Variants in SLC7A8 observed in about 807,000 individuals in gnomAD.
SLC7A8 encodes the protein solute carrier family 7 member 8, also known as large neutral amino acids transporter small subunit 2.
SLC7A8 carries 30 observed loss-of-function variants against 51.2 expected under a neutral mutation model. The observed-to-expected ratio is 0.59, with a 90% CI of 0.44 to 0.80. The LOEUF (loss-of-function observed/expected upper bound fraction) is 0.80. Ranked by LOEUF, SLC7A8 falls within the 30% of genes least tolerant of loss-of-function variation. SLC7A8 has a pLI of 0.00. For synonymous variants in SLC7A8, 257 were observed against 275.8 expected (o/e 0.93, Z 0.67); for missense variants, 612 against 674.4 (o/e 0.91, Z 1.03).
In SLC7A8 at chr14:23,143,199, G is replaced by A. The variant is rs1474482086; in HGVS notation, c.514C>T (p.Leu172Phe). ...ACACTGGAACAGTTGACCCATGTGA[G>A]GAGCACTGAAATGAAAGACCCCCAA... ...RLLAAICLLL[L>F]TWVNCSSVRW... is the part of the protein sequence containing the mutation. Residue 172 changes from leucine (L) to phenylalanine (F), a missense_variant, in exon 4 of 11, where the codon CTC (leucine) becomes TTC (phenylalanine). By Grantham distance (22) the Leu-to-Phe change is conservative. Coordinates refer to ENST00000316902, the MANE Select transcript of SLC7A8 (RefSeq NM_012244.4). 2.5e-6 allele frequency: 4 copies of A among 1,614,058 alleles called. No individual in the cohort carries two copies. The highest frequency in any genetic ancestry group is 3.4e-6 in the Non-Finnish European group (4 of 1,180,032).
intron 3 of SLC7A8, among the ~76,000 whole-genome samples, chr14:23,150,350 G>A (rs60834819): frequency 0.13 from 19,459 of 152,016 alleles, 3,162 homozygotes; most frequent in African/African-American, 0.38. Flanking sequence ...ACAAGTGAAC[G>A]GAGCTCAGAG....
chr14:23,154,683 G>A (rs559662943), intron 3 of SLC7A8, among the ~76,000 whole-genome samples: 6 of 152,226 alleles, frequency 3.9e-5, no homozygotes, highest in African/African-American at 9.6e-5. Flanking sequence ...CTCTGATAAG[G>A]TTCCAGTTCT....
At chr14:23,151,057 A>C (rs568625615) in intron 3 of SLC7A8, among the ~76,000 whole-genome samples, 48 of 152,280 alleles carry the variant, frequency 3.2e-4, no homozygotes, top group African/African-American at 1.1e-3. Context: ...AGGTCTTATA[A>C]GTCACGTGCC....
chr14:23,165,471 G>A lies in SLC7A8; in HGVS notation c.357-35C>T. 6.4e-7 allele frequency: 1 copy of A among 1,565,844 alleles called. No individual in the cohort carries two copies. Among genetic ancestry groups the A allele is most frequent in the Non-Finnish European group, 8.6e-7 (1 of 1,162,490 alleles). Reference sequence around the variant, plus strand: ...GAAAGGGACATCCGCCGAAAGGCATGGCAGGGACGCAGAGCCATCAGGGGA... The same window carrying A: ...GAAAGGGACATCCGCCGAAAGGCATAGCAGGGACGCAGAGCCATCAGGGGA... On this transcript the variant is annotated intron_variant, in intron 2 of 10. Coordinates refer to ENST00000316902, the MANE Select transcript of SLC7A8 (RefSeq NM_012244.4). This position sits in a 1 kb window ranked among gnomAD's most constrained non-coding sequence, Gnocchi z 4.2.
At chr14:23,170,779 G>A (rs1306419644) in intron 1 of SLC7A8, among the ~76,000 whole-genome samples, 2 of 152,148 alleles carry the variant, frequency 1.3e-5, no homozygotes, top group Non-Finnish European at 2.9e-5. Flanking sequence ...AAGCTGGAGT[G>A]CAGTGGTGTG....
intron 5 of SLC7A8, 123 bp from the exon 6 acceptor site, chr14:23,139,670 C>T: frequency 1.6e-6 from 2 of 1,238,380 alleles, no homozygotes; most frequent in South Asian, 1.6e-5. Context: ...TGTGAGGCTT[C>T]CTTTCCCTGG....
chr14:23,136,974 C>G (rs1432924903), intron 7 of SLC7A8, among the ~76,000 whole-genome samples: 3 of 152,218 alleles, frequency 2.0e-5, no homozygotes, highest in Admixed American at 2.0e-4. Context: ...ATTGCACTCC[C>G]TTGTTATTTC....
In SLC7A8 at chr14:23,131,528, T is replaced by C. The variant is rs1413319337; in HGVS notation, c.1046A>G (p.His349Arg). 4.4e-6 allele frequency: 7 copies of C among 1,607,546 alleles called. No individual in the cohort carries two copies. The highest frequency in any genetic ancestry group is 5.9e-6 in the Non-Finnish European group (7 of 1,177,414). The stretch of plus-strand genomic sequence containing the variant: ...GATCATGGCCAACACACTGGGAAGG[T>C]GGCCCTCTCGGGCTCCAGCGAAGAA... The part of the protein sequence containing the change: ...RLFFAGAREG[H>R]LPSVLAMIHV... Residue 349 changes from histidine (H) to arginine (R), a missense_variant, in exon 8 of 11, where the codon CAC becomes CGC. Transcript: ENST00000316902.
rs545005134 is a variant in SLC7A8 at position 23,128,370 on chromosome 14, T to C, written c.1264-174A>G. On this transcript the variant is annotated intron_variant, in intron 9 of 10. Coordinates refer to ENST00000316902, the MANE Select transcript of SLC7A8 (RefSeq NM_012244.4). This position sits in a 1 kb window ranked among gnomAD's most constrained non-coding sequence, Gnocchi z 4.3. Reference sequence around the variant, plus strand: ...CACCCCTGGTAGGGCAGGGGCTATATAAACAAATGTTGATGAACATGGTCG... The same window carrying C: ...CACCCCTGGTAGGGCAGGGGCTATACAAACAAATGTTGATGAACATGGTCG... The C allele has an allele frequency of 1.3e-6, 2 of 1,533,288 alleles. No individual in the cohort carries two copies. The highest frequency in any genetic ancestry group is 1.4e-5 in the African/African-American group (1 of 73,010). The allele number at this position is 1,533,288 out of a possible 1,614,324, so 95.0% of individuals were successfully genotyped here. A position where few individuals can be genotyped will look rare whatever the true frequency, so the allele number is the denominator to read the frequency against.
At chr14:23,168,004 A>G (rs2048958498) in intron 1 of SLC7A8, among the ~76,000 whole-genome samples, 2 of 152,214 alleles carry the variant, frequency 1.3e-5, no homozygotes, top group Non-Finnish European at 2.9e-5. Flanking sequence ...AAAAGGAAGC[A>G]CATATTTGTC....
At chr14:23,179,641 C>T (rs1164753768) in intron 1 of SLC7A8, among the ~76,000 whole-genome samples, 1 of 151,724 alleles carries the variant, frequency 6.6e-6, no homozygotes, top group Non-Finnish European at 1.5e-5. Flanking sequence ...GACCCTGTTT[C>T]TACAAGAAAA....
chr14:23,166,930 G>A (rs2048953320), intron 1 of SLC7A8, among the ~76,000 whole-genome samples: 1 of 152,150 alleles, frequency 6.6e-6, no homozygotes, highest in African/African-American at 2.4e-5. Context: ...GCGACACGTG[G>A]TCCACCCAAA....
chr14:23,172,977 A>G (rs995879866), intron 1 of SLC7A8, among the ~76,000 whole-genome samples: 1 of 152,198 alleles, frequency 6.6e-6, no homozygotes, highest in Admixed American at 6.5e-5. Flanking sequence ...TTTAAACAGA[A>G]CAAAATTTTC....
In SLC7A8 at chr14:23,143,218, C is replaced by T; in HGVS notation, c.509-14G>A. ...ATGTGAGGAGCACTGAAATGAAAGA[C>T]CCCCAAACAGACCTTCAGGGGCTGT... On this transcript the variant is annotated splice_polypyrimidine_tract_variant and intron_variant, in intron 3 of 10. Coordinates refer to ENST00000316902, the MANE Select transcript of SLC7A8 (RefSeq NM_012244.4). The T allele has an allele frequency of 1.2e-6, 2 of 1,613,848 alleles. No homozygotes were observed.
chr14:23,144,259 T>A (rs1238957241), intron 3 of SLC7A8, among the ~76,000 whole-genome samples: 1 of 152,056 alleles, frequency 6.6e-6, no homozygotes, highest in African/African-American at 2.4e-5. Context: ...AGTGGCTGTC[T>A]CATTTTGCAT....
rs8014900 is a variant in SLC7A8, at chr14:23,161,339, C to T, written c.508+3946G>A. ...GGCTCTCCCTGCTGGGCCCTGTGCC[C>T]TGTCCTCCAGTGCCCTCCATTATAC... is the stretch of plus-strand genomic sequence containing the variant. On this transcript the variant is annotated intron_variant, in intron 3 of 10. Transcript: ENST00000316902. 2.7e-3 allele frequency among the ~76,000 whole-genome samples: 406 copies of T among 152,154 alleles called. 3 individuals are homozygous for T. Among genetic ancestry groups the T allele is most frequent in the African/African-American group, 9.4e-3 (388 of 41,478 alleles).
At chr14:23,168,703 T>C (rs2048962108) in intron 1 of SLC7A8, among the ~76,000 whole-genome samples, 1 of 152,222 alleles carries the variant, frequency 6.6e-6, no homozygotes, top group African/African-American at 2.4e-5. Context: ...GGATGGGTGT[T>C]ATTTAATAGA....
chr14:23,148,737 G>A (rs1212992618), intron 3 of SLC7A8, among the ~76,000 whole-genome samples: 1 of 152,220 alleles, frequency 6.6e-6, no homozygotes, highest in Non-Finnish European at 1.5e-5. Flanking sequence ...CAAAGAATGT[G>A]GGAGGTCCCT....
chr14:23,179,552 G>A (rs922938114), intron 1 of SLC7A8, among the ~76,000 whole-genome samples: 4 of 151,746 alleles, frequency 2.6e-5, no homozygotes, highest in African/African-American at 9.7e-5. Flanking sequence ...GCTCATGCCT[G>A]TAATCCCAGC....
Sources: gnomAD v4.1 joint callset for allele counts (sites outside exome capture counted in the v4.1 genomes callset) on GRCh38, gnomAD v4.1.1 for gene constraint, Gnocchi (gnomAD v3.1) non-coding constraint, MANE v1.5 for transcripts, NCBI Gene and HGNC (gene_info 2026-07-23, HGNC 2026-07-21) for gene names.